The following CAPRIN2 variants were observed in gnomAD, a reference collection of about 807,000 sequenced individuals.
The protein encoded by CAPRIN2 is caprin family member 2.
CAPRIN2 carries 66 observed loss-of-function variants against 130.4 expected under a neutral mutation model. The ratio of observed to expected loss-of-function variants is 0.51; its 90% CI spans 0.42 to 0.62. The LOEUF (loss-of-function observed/expected upper bound fraction) is 0.62. CAPRIN2 is among the 20% of genes least tolerant of loss of function. The pLI is 0.00. For synonymous variants in CAPRIN2, 471 were observed against 444.1 expected (o/e 1.06, Z -0.76); for missense variants, 1,185 against 1,246.6 (o/e 0.95, Z 0.74).
intron 2 of CAPRIN2, among the ~76,000 whole-genome samples, chr12:30,749,063 G>T (rs558933922): frequency 2.0e-5 from 3 of 152,220 alleles, no homozygotes; most frequent in Non-Finnish European, 4.4e-5. Context: ...CTCACTGTGG[G>T]TACCTTCAAA....
chr12:30,729,724 C>A (rs2062005042), intron 7 of CAPRIN2, among the ~76,000 whole-genome samples: 1 of 152,218 alleles, frequency 6.6e-6, no homozygotes, highest in African/African-American at 2.4e-5. Flanking sequence ...ATTATGTAAC[C>A]TTAAACGTGA....
At chr12:30,752,273 G>C (rs2074358907) in intron 1 of CAPRIN2, among the ~76,000 whole-genome samples, 1 of 152,056 alleles carries the variant, frequency 6.6e-6, no homozygotes, top group African/African-American at 2.4e-5. Context: ...ATTGGCTTTA[G>C]TGGAAAAATT....
At chr12:30,723,170 C>A in intron 11 of CAPRIN2, 89 bp downstream of exon 12, 1 of 874,338 alleles carries the variant, frequency 1.1e-6, no homozygotes. Context: ...TCATTAGGTA[C>A]ATGAGAATCA....
intron 2 of CAPRIN2, among the ~76,000 whole-genome samples, chr12:30,745,510 T>C (rs2069645329): frequency 6.6e-6 from 1 of 152,148 alleles, no homozygotes; most frequent in Non-Finnish European, 1.5e-5. Context: ...GCAAGAGCCA[T>C]ATAGAACATT....
intron 1 of CAPRIN2, among the ~76,000 whole-genome samples, chr12:30,752,395 T>C (rs1389147483): frequency 6.6e-6 from 1 of 152,146 alleles, no homozygotes; most frequent in Non-Finnish European, 1.5e-5. Flanking sequence ...TTCCTCCACC[T>C]GAGGGAGGCT....
At chr12:30,724,231 G>GT in intron 10 of CAPRIN2, 139 bp downstream of exon 11, 1 of 601,374 alleles carries the variant, frequency 1.7e-6, no homozygotes. Context: ...CATATAACTG[G>GT]TAACAGATGG....
chr12:30,747,225 A>C (rs1038124624), intron 2 of CAPRIN2, among the ~76,000 whole-genome samples: 3 of 152,220 alleles, frequency 2.0e-5, no homozygotes, highest in African/African-American at 7.2e-5. Flanking sequence ...CAGAAAAAAA[A>C]GATTTCTTTC....
chr12:30,739,647 G>A (rs148418642), intron 3 of CAPRIN2, among the ~76,000 whole-genome samples: 1,562 of 151,848 alleles, frequency 0.01, 35 homozygotes, highest in East Asian at 0.093. Flanking sequence ...CCCGGGAGGC[G>A]GAGCTTGCAG....
intron 6 of CAPRIN2, 125 bp from the exon 8 acceptor site, chr12:30,730,407 C>A: frequency 1.5e-6 from 1 of 685,766 alleles, no homozygotes. Flanking sequence ...GTAATATAAT[C>A]AAGTATATTG....
chr12:30,750,715 G>A (rs1322145109), intron 2 of CAPRIN2, among the ~76,000 whole-genome samples: 4 of 152,122 alleles, frequency 2.6e-5, no homozygotes, highest in Non-Finnish European at 1.5e-5. Context: ...AAGATGTCAG[G>A]TTTAGAATAT....
chr12:30,723,414 T>C (rs2059983633), intron 10 of CAPRIN2, 100 bp from the exon 12 acceptor site: 1 of 770,248 alleles, frequency 1.3e-6, no homozygotes, highest in South Asian at 1.5e-5. Context: ...AAAAAGACAT[T>C]AGCTGGAAGG....
rs182796080 is a variant in CAPRIN2, at chr12:30,722,670, G to A, written c.2043+589C>T. On this transcript the variant is annotated intron_variant, in intron 11 of 16. Coordinates refer to ENST00000298892, the Ensembl canonical transcript of CAPRIN2. ...AATCCCAGCACTTTGGGAGGCCAAG[G>A]CAGGTGGATCACGAGGTCAGGAGCT... 3.2e-3 allele frequency among the ~76,000 whole-genome samples: 480 copies of A among 152,286 alleles called. 6 individuals carry two copies. Among genetic ancestry groups the A allele is most frequent in the African/African-American group, 8.6e-3 (356 of 41,554 alleles).
In CAPRIN2 at chr12:30,710,055, A is replaced by G; in HGVS notation, c.3081T>C (p.Asn1027=). 1.2e-6 allele frequency: 2 copies of G among 1,614,142 alleles called. No individual in the cohort carries two copies. The highest frequency in any genetic ancestry group is 1.7e-6 in the Non-Finnish European group (2 of 1,180,026). Residue 1027 remains asparagine (N), a synonymous_variant, in exon 17 of 17, where the codon AAT becomes AAC. Transcript: ENST00000298892. This position sits in a 1 kb window ranked among gnomAD's most constrained non-coding sequence, Gnocchi z 4.8. ...CAGTTTCATGGTCTGGAGCACCATCATTGGCATAGGCTGATACCAAGACCT... is the reference window on the plus strand; with the variant it reads ...CAGTTTCATGGTCTGGAGCACCATCGTTGGCATAGGCTGATACCAAGACCT...
chr12:30,737,075 G>A (rs1327100167), intron 3 of CAPRIN2, among the ~76,000 whole-genome samples: 1 of 152,068 alleles, frequency 6.6e-6, no homozygotes, highest in Non-Finnish European at 1.5e-5. Flanking sequence ...CACAGTCAAG[G>A]TTCACTGCAG....
intron 2 of CAPRIN2, among the ~76,000 whole-genome samples, chr12:30,749,944 C>A (rs2072897221): frequency 6.6e-6 from 1 of 152,162 alleles, no homozygotes; most frequent in African/African-American, 2.4e-5. Flanking sequence ...ACCATGGGAA[C>A]AATCAATCTC....
At chr12:30,753,774 AAGTAATT>A in exon 1 of CAPRIN2, 4 of 1,593,114 alleles carry the variant, frequency 2.5e-6, no homozygotes, top group Non-Finnish European at 3.4e-6. Context: ...CCTACTTTTA[AAGTAATT>A]AGTGCCGCTA....
intron 11 of CAPRIN2, among the ~76,000 whole-genome samples, chr12:30,721,519 GA>G (rs1032305471): frequency 6.6e-6 from 1 of 152,070 alleles, no homozygotes; most frequent in African/African-American, 2.4e-5. Flanking sequence ...AGCACATTAG[GA>G]AAAAAAGTTG....
Position 30,710,603 on chromosome 12 carries a change from C to T in CAPRIN2, c.2666-133G>A. The stretch of plus-strand genomic sequence containing the variant: ...ATTCCAAAACAAAAGCAATATATAG[C>T]TAGATTATACTTTTCTAGATTTTTC... On this transcript the variant is annotated intron_variant, in intron 16 of 16. Transcript: ENST00000298892. The surrounding 1 kb of genome is among the most constrained non-coding windows in gnomAD (Gnocchi z 4.8). The T allele has an allele frequency of 7.5e-7, 1 of 1,334,452 alleles. No individual in the cohort carries two copies. Among genetic ancestry groups the T allele is most frequent in the South Asian group, 1.5e-5 (1 of 67,324 alleles). The allele number at this position is 1,334,452 out of a possible 1,614,324, so 82.7% of individuals were successfully genotyped here. A position where few individuals can be genotyped will look rare whatever the true frequency, so the allele number is the denominator to read the frequency against.
intron 14 of CAPRIN2, 79 bp downstream of exon 16, chr12:30,714,880 G>C: frequency 8.6e-7 from 1 of 1,164,572 alleles, no homozygotes; most frequent in Non-Finnish European, 1.2e-6. Flanking sequence ...AAGGGAGCAA[G>C]GTTAGGTAAA....
Sources: allele counts gnomAD v4.1 joint callset (sites outside exome capture counted in the v4.1 genomes callset), GRCh38; gene constraint gnomAD v4.1.1; non-coding constraint Gnocchi (gnomAD v3.1); transcripts MANE v1.5; gene names NCBI Gene and HGNC (gene_info 2026-07-23, HGNC 2026-07-21).